The following FAM161B variants were observed in gnomAD, a reference collection of about 807,000 sequenced individuals.
FAM161B encodes the protein FAM161 centrosomal protein B, also known as protein FAM161B.
A neutral mutation model predicts 61.5 loss-of-function variants in FAM161B; 46 were observed. The ratio of observed to expected loss-of-function variants is 0.75; its 90% confidence interval spans 0.59 to 0.96. FAM161B has a LOEUF of 0.96. Among genes scored for constraint, FAM161B ranks in the 40% least tolerant of loss-of-function variants. FAM161B has a pLI of 0.00. For synonymous variants in FAM161B, 284 were observed against 302.7 expected (o/e 0.94, Z 0.64); for missense variants, 774 against 800.7 (o/e 0.97, Z 0.40).
chr14:73,941,958 G>C (rs752694266), intron 4 of FAM161B, among the ~76,000 whole-genome samples: 3 of 152,094 alleles, frequency 2.0e-5, no homozygotes, highest in African/African-American at 4.8e-5. Flanking sequence ...TGCCCTCCTC[G>C]GCCTCTCAAA....
downstream of FAM161B, among the ~76,000 whole-genome samples, chr14:73,930,622 C>T (rs949653389): frequency 5.9e-5 from 9 of 151,992 alleles, no homozygotes; most frequent in African/African-American, 1.4e-4. Context: ...TGTCTGAAAA[C>T]AGTCTCAGTC....
In FAM161B at chr14:73,942,482, C is replaced by T; in HGVS notation, c.1159G>A (p.Ala387Thr). ...GLYKAFQRRA[A>T]KRRETQEATR... ...GCCTCTTGGGTTTCTCTTCTTTTGG[C>T]TGCTCTTCTCTGGAAGGCCTTGTAA... The change falls in exon 4 of 9, where the codon GCC becomes ACC. Residue 387 changes from alanine (A) to threonine (T), a missense_variant. Ala to Thr is a moderately conservative substitution (Grantham distance 58). Transcript: ENST00000286544. 6.2e-7 allele frequency: 1 copy of T among 1,614,228 alleles called. No homozygotes were observed. Among genetic ancestry groups the T allele is most frequent in the Non-Finnish European group, 8.5e-7 (1 of 1,180,050 alleles).
downstream of FAM161B, among the ~76,000 whole-genome samples, chr14:73,930,547 G>C (rs542882447): frequency 6.6e-6 from 1 of 152,240 alleles, no homozygotes; most frequent in African/African-American, 2.4e-5. Flanking sequence ...GAATTTATTT[G>C]ATTAGATTTT....
At chr14:73,931,431 C>T, downstream of FAM161B, 3 of 1,403,954 alleles carry the variant, frequency 2.1e-6, no homozygotes, top group South Asian at 3.6e-5. Flanking sequence ...ACTCTTAATA[C>T]TTTTTACTAT....
intron 3 of FAM161B, 26 bp downstream of exon 3, chr14:73,944,309 C>T: frequency 6.5e-7 from 1 of 1,546,142 alleles, no homozygotes; most frequent in Non-Finnish European, 8.7e-7. Context: ...AGGCAGGAGG[C>T]AGCAAGGTGG....
downstream of FAM161B, chr14:73,931,675 C>G (rs937042154): frequency 5.4e-5 from 41 of 764,670 alleles, no homozygotes; most frequent in East Asian, 1.1e-3. Flanking sequence ...GCCACTCTTC[C>G]TCTTTCCTGG....
At chr14:73,932,252 C>A, downstream of FAM161B, 1 of 332,578 alleles carries the variant, frequency 3.0e-6, no homozygotes, top group East Asian at 8.2e-5. Context: ...TCAGGTTTTC[C>A]TTTAAATAAA....
At chr14:73,949,826 A>G in intron 1 of FAM161B, 147 bp downstream of exon 1, 1 of 1,170,286 alleles carries the variant, frequency 8.5e-7, no homozygotes. Flanking sequence ...CAGGTCTGTA[A>G]GTCAGAGTCC....
In FAM161B at chr14:73,934,370, G is replaced by C. The variant is rs758503247; in HGVS notation, c.1830C>G (p.Ser610Arg). Residue 610 changes from serine (S) to arginine (R), a missense_variant, in exon 9 of 9, where the codon AGC (serine) becomes AGG (arginine). By Grantham distance (110) the Ser-to-Arg change is moderately radical. Coordinates refer to ENST00000286544, the MANE Select transcript of FAM161B (RefSeq NM_152445.3). ...CTAAACCCTGCTCTGGATCTCTGAT[G>C]CTGAGTTTTGTAGTTTCTTGGAACC... Reference protein sequence around the residue: ...FPRFQETTKLSIRDPEQGLEG... With the variant: ...FPRFQETTKLRIRDPEQGLEG... The C allele has an allele frequency of 6.2e-7, 1 of 1,610,886 alleles. No homozygotes were observed. Among genetic ancestry groups the C allele is most frequent in the South Asian group, 1.1e-5 (1 of 90,452 alleles).
the FAM161B span, chr14:73,923,625 T>C: frequency 2.8e-6 from 4 of 1,444,564 alleles, no homozygotes; most frequent in Admixed American, 6.6e-5. Context: ...TCCTGGAAAC[T>C]TTGGCACGAA....
chr14:73,938,964 C>G (rs2055994920), intron 5 of FAM161B, among the ~76,000 whole-genome samples: 1 of 152,038 alleles, frequency 6.6e-6, no homozygotes, highest in East Asian at 1.9e-4. Flanking sequence ...AGTTCCTACC[C>G]TAGAAGTGCA....
downstream of FAM161B, among the ~76,000 whole-genome samples, chr14:73,930,423 A>T (rs920961348): frequency 1.2e-4 from 19 of 152,162 alleles, no homozygotes; most frequent in Non-Finnish European, 8.8e-5. Flanking sequence ...TCAGCCTCCC[A>T]AAGTGGTGGG....
rs1197553091 is a variant in FAM161B at position 73,944,874 on chromosome 14, G to A, written c.386C>T (p.Thr129Ile). The stretch of plus-strand genomic sequence containing the variant: ...GTTGTTCAGGGAGCTGCAGCGCCTT[G>A]TGGAGCCACACCTGGGAAAAAAGCA... ...QCPQALRCGS[T>I]RRCSSLNNLP... Residue 129 changes from threonine to isoleucine, a missense_variant, in exon 3 of 9, where the codon ACA (threonine) becomes ATA (isoleucine). Physicochemically the swap from Thr to Ile is moderately conservative, Grantham distance 89. Transcript: ENST00000286544. 4 of 1,514,856 alleles carry A rather than the reference G, an allele frequency of 2.6e-6. No individual in the cohort carries two copies. The Admixed American group carries it at 6.7e-5, about 25-fold the overall frequency. 93.8% of individuals were successfully genotyped at this position (1,514,856 alleles called of 1,614,324 possible).
downstream of FAM161B, among the ~76,000 whole-genome samples, chr14:73,926,791 A>G (rs1312478331): frequency 2.6e-5 from 4 of 151,254 alleles, no homozygotes; most frequent in East Asian, 7.8e-4. Context: ...TGGCTGATTG[A>G]CTCCTTTTGT....
intron 7 of FAM161B, among the ~76,000 whole-genome samples, chr14:73,937,076 T>C (rs72627139): frequency 0.15 from 21,983 of 148,714 alleles, 2,100 homozygotes; most frequent in East Asian, 0.49. Context: ...CACATACACA[T>C]GCATACAAAA....
At chr14:73,939,553 C>T (rs1047581733) in intron 5 of FAM161B, among the ~76,000 whole-genome samples, 2 of 152,122 alleles carry the variant, frequency 1.3e-5, no homozygotes. Context: ...TGGAAAAGCC[C>T]CTATTGGACC....
intron 8 of FAM161B, 104 bp downstream of exon 8, chr14:73,935,845 T>C (rs943447966): frequency 6.9e-6 from 9 of 1,298,186 alleles, no homozygotes; most frequent in African/African-American, 2.9e-5. Context: ...AATACAGGAT[T>C]ATGATCTCAA....
chr14:73,930,983 T>A (rs1015274673), downstream of FAM161B, among the ~76,000 whole-genome samples: 11 of 152,236 alleles, frequency 7.2e-5, no homozygotes, highest in South Asian at 2.1e-4. Context: ...TAGAGTAGAA[T>A]GTTAGTGGTA....
At chr14:73,931,163 A>G (rs945365657), downstream of FAM161B, among the ~76,000 whole-genome samples, 2 of 152,140 alleles carry the variant, frequency 1.3e-5, no homozygotes, top group Non-Finnish European at 2.9e-5. Flanking sequence ...GCTGACACGT[A>G]TAAGATTTTG....
Sources: gnomAD v4.1 joint callset for allele counts (sites outside exome capture counted in the v4.1 genomes callset) on GRCh38, gnomAD v4.1.1 for gene constraint, MANE v1.5 for transcripts, NCBI Gene and HGNC (gene_info 2026-07-23, HGNC 2026-07-21) for gene names.